ZNF609: variants seen among roughly 807,000 people sequenced by gnomAD.
ZNF609 encodes zinc finger protein 609.
Under a neutral mutation model 109.5 loss-of-function variants are expected in ZNF609, and 11 were observed. That is an observed-to-expected ratio of 0.10 (90% CI 0.06 to 0.17). The LOEUF is 0.17. Among genes scored for constraint, ZNF609 ranks in the 10% least tolerant of loss-of-function variants. The pLI, the probability that ZNF609 is intolerant of heterozygous loss-of-function variation, is 1.00. For synonymous variants in ZNF609, 646 were observed against 662.0 expected (o/e 0.98, Z 0.37); for missense variants, 1,559 against 1,772.4 (o/e 0.88, Z 2.16).
Position 64,609,130 on chromosome 15 carries a change from T to TTCTTTCTTTCTTCTTTC in ZNF609, c.748-13696_748-13695insCTTTCTTTCTTCTTTCT, listed in dbSNP as rs750700444. On this transcript the variant is annotated intron_variant, in intron 2 of 9. Transcript: ENST00000326648. The stretch of plus-strand genomic sequence containing the variant: ...TTTCTTTCTTTCTTTCTTTCTTTCT[T>TTCTTTCTTTCTTCTTTC]TTTTTCTTTCTTTTTTTTCTCTCTC... 5.9e-5 allele frequency among the ~76,000 whole-genome samples: 5 copies of TTCTTTCTTTCTTCTTTC among 84,212 alleles called. No individual in the cohort carries two copies. In the East Asian group the frequency reaches 1.9e-3, roughly 33 times the overall value. 55.2% of individuals were successfully genotyped at this position (84,212 alleles called of 152,430 possible).
chr15:64,515,938 CAA>C (rs57072582), intron 2 of ZNF609, among the ~76,000 whole-genome samples: 49 of 74,230 alleles, frequency 6.6e-4, no homozygotes, highest in East Asian at 1.2e-3. Context: ...AACTCCGTCT[CAA>C]AAAAAAAAAA....
chr15:64,579,596 G>A lies in ZNF609; in HGVS notation c.748-43231G>A, dbSNP rs543470049. Among the ~76,000 whole-genome samples, 12 of 152,078 alleles carry A rather than the reference G, an allele frequency of 7.9e-5. No homozygotes were observed. In the South Asian group the frequency reaches 2.3e-3, roughly 29 times the overall value. On this transcript the variant is annotated intron_variant, in intron 2 of 9. Coordinates refer to ENST00000326648, the MANE Select transcript of ZNF609 (RefSeq NM_015042.2). ...GTGGTGGTAGGTGCCTGTAGTCCCA[G>A]CTACTTGGGAGGGTGAGGCAGGAGA... is the stretch of plus-strand genomic sequence containing the variant.
intron 2 of ZNF609, among the ~76,000 whole-genome samples, chr15:64,576,800 G>A (rs1894960044): frequency 8.3e-6 from 1 of 120,574 alleles, no homozygotes; most frequent in Admixed American, 1.0e-4. Context: ...TCCAGCCTGG[G>A]AGACAGAGCG....
chr15:64,614,849 TG>T (rs1307239679), intron 2 of ZNF609, among the ~76,000 whole-genome samples: 5 of 147,966 alleles, frequency 3.4e-5, no homozygotes, highest in African/African-American at 1.3e-4. Context: ...GGCAGAGTCT[TG>T]TTCTGTCACC....
In ZNF609 at chr15:64,607,816, C is replaced by CTTCTTTCTTTCTTTCT. The variant is rs71133456; in HGVS notation, c.748-14961_748-14946dup. Among the ~76,000 whole-genome samples the CTTCTTTCTTTCTTTCT allele has an allele frequency of 3.4e-4, 34 of 98,956 alleles. 1 individual carries two copies. Among genetic ancestry groups the CTTCTTTCTTTCTTTCT allele is most frequent in the African/African-American group, 1.4e-3 (31 of 21,684 alleles). The allele number at this position is 98,956 out of a possible 152,430, so 64.9% of individuals were successfully genotyped here. On this transcript the variant is annotated intron_variant, in intron 2 of 9. Transcript: ENST00000326648. ...TACTGCACCTGGCCTTAAATGTTTT[C>CTTCTTTCTTTCTTTCT]TTCTTTCTTTCTTTCTTTCTTTCTT...
At chr15:64,542,941 G>A (rs1329436744) in intron 2 of ZNF609, among the ~76,000 whole-genome samples, 1 of 152,010 alleles carries the variant, frequency 6.6e-6, no homozygotes, top group African/African-American at 2.4e-5. Flanking sequence ...TCCAGTTCCA[G>A]TGAGAACACA....
At chr15:64,476,371 G>C (rs764254291) in intron 1 of ZNF609, among the ~76,000 whole-genome samples, 12 of 151,996 alleles carry the variant, frequency 7.9e-5, no homozygotes, top group Non-Finnish European at 1.8e-4. Flanking sequence ...AATTAGAAAG[G>C]TAATATATGA....
intron 1 of ZNF609, among the ~76,000 whole-genome samples, chr15:64,481,608 C>A (rs1893256140): frequency 6.6e-6 from 1 of 151,388 alleles, no homozygotes; most frequent in Non-Finnish European, 1.5e-5. Context: ...GCATGAGCCA[C>A]CGTGAAGAAA....
rs781321825 is a variant in ZNF609 at position 64,675,446 on chromosome 15, A to G, written c.2592A>G (p.Ser864=). 24 of 1,614,174 alleles carry G rather than the reference A, an allele frequency of 1.5e-5. No individual in the cohort carries two copies. Among genetic ancestry groups the G allele is most frequent in the Non-Finnish European group, 2.0e-5 (24 of 1,180,046 alleles). ...DGEGKVDSVK[S]KDAEQLVKEG... is the part of the protein sequence containing the mutation. ...AGGGCAAGGTAGACAGTGTCAAATC[A>G]AAGGACGCCGAACAGTTGGTTAAAG... Residue 864 remains serine, a synonymous_variant, in exon 5 of 10, where the codon TCA becomes TCG. Transcript: ENST00000326648.
chr15:64,633,519 A>G (rs1298263006), intron 3 of ZNF609, among the ~76,000 whole-genome samples: 2 of 152,202 alleles, frequency 1.3e-5, no homozygotes, highest in South Asian at 2.1e-4. Context: ...GGCTCAAGCA[A>G]TCCTCCTGCC....
intron 1 of ZNF609, among the ~76,000 whole-genome samples, chr15:64,495,822 CTTT>C (rs749513249): frequency 2.4e-5 from 3 of 123,068 alleles, no homozygotes; most frequent in Non-Finnish European, 1.9e-5. Flanking sequence ...AACCTGTTAT[CTTT>C]TTTTTTTTTT....
rs574357862 is a variant in ZNF609, at chr15:64,528,790, G to A, written c.747+28624G>A. 4.2e-4 allele frequency: 351 copies of A among 825,908 alleles called. 3 individuals are homozygous for A. In the African/African-American group the frequency reaches 5.0e-3, roughly 12 times the overall value. The allele number at this position is 825,908 out of a possible 1,614,324, so 51.2% of individuals were successfully genotyped here. On this transcript the variant is annotated intron_variant, in intron 2 of 9. Transcript: ENST00000326648. ...TGAGGACAATGGCTGCCCCAGCATC[G>A]AAGGTAGAAGAGTGGGTGTTGCTGT...
Position 64,685,686 on chromosome 15 carries a change from C to T in ZNF609, c.*4000C>T, listed in dbSNP as rs918400781. The T allele has an allele frequency of 1.3e-5, 2 of 152,594 alleles. No individual in the cohort carries two copies. Among genetic ancestry groups the T allele is most frequent in the Non-Finnish European group, 2.9e-5 (2 of 68,050 alleles). 9.5% of individuals were successfully genotyped at this position (152,594 alleles called of 1,614,324 possible). A position where few individuals can be genotyped will look rare whatever the true frequency, so the allele number is the denominator to read the frequency against. Reference sequence around the variant, plus strand: ...AAGAGTTTGCACTATTTAAACCTGCCTGGGAGTTAGGACGGATGGTTTTAG... The same window carrying T: ...AAGAGTTTGCACTATTTAAACCTGCTTGGGAGTTAGGACGGATGGTTTTAG... On this transcript the variant is annotated 3_prime_UTR_variant, in exon 10 of 10. Coordinates refer to ENST00000326648, the MANE Select transcript of ZNF609 (RefSeq NM_015042.2).
At chr15:64,677,507 C>T (rs1310111595) in intron 5 of ZNF609, among the ~76,000 whole-genome samples, 1 of 152,140 alleles carries the variant, frequency 6.6e-6, no homozygotes, top group Non-Finnish European at 1.5e-5. Flanking sequence ...GTTTCCTCCA[C>T]TGTTTGGTTC....
chr15:64,668,407 G>A (rs760974131), intron 3 of ZNF609, among the ~76,000 whole-genome samples: 13 of 151,988 alleles, frequency 8.6e-5, no homozygotes, highest in Non-Finnish European at 1.6e-4. Context: ...GAGTTCCCTG[G>A]GTTTTCTTTT....
intron 2 of ZNF609, among the ~76,000 whole-genome samples, chr15:64,619,245 C>G (rs1342496368): frequency 6.6e-6 from 1 of 152,192 alleles, no homozygotes; most frequent in Non-Finnish European, 1.5e-5. Context: ...AGCACTCCTC[C>G]TGCCTTGGCC....
At chr15:64,672,221 C>A (rs1381487722) in intron 4 of ZNF609, among the ~76,000 whole-genome samples, 2 of 149,736 alleles carry the variant, frequency 1.3e-5, no homozygotes, top group Admixed American at 1.3e-4. Flanking sequence ...ACCGTTTTAG[C>A]CAGGATGGTC....
chr15:64,553,270 A>T (rs7182629), intron 2 of ZNF609, among the ~76,000 whole-genome samples: 1 of 94,416 alleles, frequency 1.1e-5, no homozygotes, highest in Non-Finnish European at 2.1e-5. Context: ...TCCATGCCTT[A>T]AAAAAAAAAA....
At chr15:64,534,889 C>T (rs185942059) in intron 2 of ZNF609, among the ~76,000 whole-genome samples, 109 of 151,928 alleles carry the variant, frequency 7.2e-4, no homozygotes, top group South Asian at 1.2e-3. Context: ...AAAAATTAGA[C>T]GGGCATGGTG....
Sources: gnomAD v4.1 joint callset for allele counts (sites outside exome capture counted in the v4.1 genomes callset) on GRCh38, gnomAD v4.1.1 for gene constraint, MANE v1.5 for transcripts, NCBI Gene and HGNC (gene_info 2026-07-23, HGNC 2026-07-21) for gene names.